The following WIPF3 variants were observed in gnomAD, a reference collection of about 807,000 sequenced individuals.
WIPF3 encodes WAS/WASL-interacting protein family member 3.
Under a neutral mutation model 38.9 loss-of-function variants are expected in WIPF3, and 33 were observed. The ratio of observed to expected loss-of-function variants is 0.85; its 90% CI spans 0.64 to 1.14. The LOEUF is 1.14. WIPF3 is among the 50% of genes most tolerant of loss of function. WIPF3 has a pLI of 0.00. For missense variants in WIPF3, 711 were observed against 652.5 expected (o/e 1.09, Z -0.98); for synonymous variants, 324 against 269.3 (o/e 1.20, Z -1.99).
At position 29,914,587 on chromosome 7, in the gene WIPF3, G is replaced by A. The variant is rs1438679267; in HGVS notation, c.*71G>A. ...ACATGTCAGACCCCACCCACCCCATGCTCAAGCTGTAATTCAGTTGGCATA... is the reference window on the plus strand; with the variant it reads ...ACATGTCAGACCCCACCCACCCCATACTCAAGCTGTAATTCAGTTGGCATA... On this transcript the variant is annotated 3_prime_UTR_variant, in exon 9 of 9. Transcript: ENST00000242140. The A allele has an allele frequency of 2.5e-6, 3 of 1,194,062 alleles. No homozygotes were observed. In the East Asian group the frequency reaches 8.8e-5, roughly 35 times the overall value. 74.0% of individuals were successfully genotyped at this position (1,194,062 alleles called of 1,614,324 possible). A position where few individuals can be genotyped will look rare whatever the true frequency, so the allele number is the denominator to read the frequency against.
In WIPF3 at chr7:29,885,727, G is replaced by A. The variant is rs183035885; in HGVS notation, c.1099+1134G>A. Among the ~76,000 whole-genome samples, 3 of 152,246 alleles carry A rather than the reference G, an allele frequency of 2.0e-5. No individual in the cohort carries two copies. The East Asian group carries it at 5.8e-4, about 29-fold the overall frequency. On this transcript the variant is annotated intron_variant, in intron 5 of 8. Transcript: ENST00000242140. ...GCTACTTGGGAGGCTAAGGCAGGAG[G>A]ATCGTTTGAATCTAGGTGTTCAAGG... is the stretch of plus-strand genomic sequence containing the variant.
At chr7:29,882,238 G>A (rs1445095459) in intron 4 of WIPF3, among the ~76,000 whole-genome samples, 1 of 152,222 alleles carries the variant, frequency 6.6e-6, no homozygotes, top group African/African-American at 2.4e-5. Flanking sequence ...GGCTATTTAA[G>A]GGTAGGCTTT....
chr7:29,873,991 C>T (rs1053244824), intron 2 of WIPF3, among the ~76,000 whole-genome samples: 5 of 152,134 alleles, frequency 3.3e-5, no homozygotes, highest in Non-Finnish European at 5.9e-5. Context: ...ATTTATACTC[C>T]AGGGATCCTC....
intron 2 of WIPF3, among the ~76,000 whole-genome samples, chr7:29,859,661 G>A (rs1414606187): frequency 6.6e-6 from 1 of 152,142 alleles, no homozygotes; most frequent in Admixed American, 6.5e-5. Context: ...TCTTTGGCAG[G>A]CATTGTACTT....
chr7:29,834,219 T>C (rs1482566003), intron 1 of WIPF3, among the ~76,000 whole-genome samples: 2 of 152,172 alleles, frequency 1.3e-5, no homozygotes, highest in African/African-American at 4.8e-5. Context: ...GTTGAGCCTG[T>C]GACATTCAGA....
At chr7:29,859,854 C>G (rs1166091400) in intron 2 of WIPF3, among the ~76,000 whole-genome samples, 1 of 152,164 alleles carries the variant, frequency 6.6e-6, no homozygotes, top group South Asian at 2.1e-4. Flanking sequence ...TAACTTAGGG[C>G]TCCCTGAGAG....
rs1230998950 is a variant in WIPF3 at position 29,823,289 on chromosome 7, T to C, written c.-57-11379T>C. On this transcript the variant is annotated intron_variant, in intron 1 of 8. Transcript: ENST00000242140. This position sits in a 1 kb window ranked among gnomAD's most constrained non-coding sequence, Gnocchi z 4.0. Reference sequence around the variant, plus strand: ...ACATTCATTTTTTTTTTAGATGGAGTGTCACTCTGTCACCCAGGCTGGAGT... The same window carrying C: ...ACATTCATTTTTTTTTTAGATGGAGCGTCACTCTGTCACCCAGGCTGGAGT... 6.6e-6 allele frequency among the ~76,000 whole-genome samples: 1 copy of C among 151,808 alleles called. No individual in the cohort carries two copies. Among genetic ancestry groups the C allele is most frequent in the Non-Finnish European group, 1.5e-5 (1 of 67,970 alleles).
chr7:29,916,712 CA>C lies in WIPF3; in HGVS notation c.*2208del, dbSNP rs556516332. The C allele has an allele frequency of 0.026, 3,452 of 133,452 alleles. 97 individuals carry two copies. Among genetic ancestry groups the C allele is most frequent in the African/African-American group, 0.077 (2,844 of 36,836 alleles). The allele number at this position is 133,452 out of a possible 1,614,324, so 8.3% of individuals were successfully genotyped here. ...TGGGCAACAGAGCGAGACCCTAACT[CA>C]AAAAAAAAAAAGGACAGAGGGGAGG... On this transcript the variant is annotated 3_prime_UTR_variant, in exon 9 of 9. Coordinates refer to ENST00000242140, the MANE Select transcript of WIPF3 (RefSeq NM_001080529.3).
chr7:29,819,894 T>G (rs1241381217), intron 1 of WIPF3, among the ~76,000 whole-genome samples: 2 of 152,066 alleles, frequency 1.3e-5, no homozygotes, highest in Non-Finnish European at 2.9e-5. Flanking sequence ...CATTTTAGAA[T>G]TTGTTGAGAT....
intron 5 of WIPF3, among the ~76,000 whole-genome samples, chr7:29,887,543 A>C (rs890967915): frequency 6.6e-6 from 1 of 152,206 alleles, no homozygotes; most frequent in Non-Finnish European, 1.5e-5. Context: ...TGGACCGGAA[A>C]GAGAAACAAG....
intron 1 of WIPF3, among the ~76,000 whole-genome samples, chr7:29,820,722 T>G (rs1459446898): frequency 6.6e-6 from 1 of 152,188 alleles, no homozygotes; most frequent in Non-Finnish European, 1.5e-5. Context: ...ATAATCACTT[T>G]TTCTTAGTTT....
chr7:29,840,241 A>G (rs1300927485), intron 2 of WIPF3, among the ~76,000 whole-genome samples: 4 of 152,044 alleles, frequency 2.6e-5, no homozygotes, highest in Non-Finnish European at 5.9e-5. Context: ...GGCCCACTCC[A>G]TCCTGCATGG....
chr7:29,874,174 G>T (rs1257334900), intron 2 of WIPF3, among the ~76,000 whole-genome samples: 1 of 151,806 alleles, frequency 6.6e-6, no homozygotes, highest in Non-Finnish European at 1.5e-5. Flanking sequence ...GCATGCGTAT[G>T]CCCTTAAGAG....
Position 29,844,336 on chromosome 7 carries a change from A to C in WIPF3, c.90+9522A>C, listed in dbSNP as rs904838798. Among the ~76,000 whole-genome samples, 2 of 152,254 alleles carry C rather than the reference A, an allele frequency of 1.3e-5. No homozygotes were observed. Among genetic ancestry groups the C allele is most frequent in the African/African-American group, 4.8e-5 (2 of 41,468 alleles). On this transcript the variant is annotated intron_variant, in intron 2 of 8. Transcript: ENST00000242140. This position sits in a 1 kb window ranked among gnomAD's most constrained non-coding sequence, Gnocchi z 4.8. ...TGAATTATCACTTACCCATTGGCTG[A>C]GTTGGATCCTGTAACAATAATGCTT...
intron 2 of WIPF3, among the ~76,000 whole-genome samples, chr7:29,851,523 A>G (rs1383479385): frequency 3.3e-5 from 5 of 152,166 alleles, no homozygotes; most frequent in Non-Finnish European, 5.9e-5. Context: ...CAAAGTAACA[A>G]TATACTTTTG....
At chr7:29,861,823 T>C (rs1328760496) in intron 2 of WIPF3, among the ~76,000 whole-genome samples, 1 of 152,226 alleles carries the variant, frequency 6.6e-6, no homozygotes, top group African/African-American at 2.4e-5. Flanking sequence ...GACAGACTTA[T>C]AAGCTGCAAA....
chr7:29,887,650 C>T (rs1032769039), intron 5 of WIPF3, among the ~76,000 whole-genome samples: 11 of 152,224 alleles, frequency 7.2e-5, no homozygotes, highest in African/African-American at 2.4e-4. Flanking sequence ...GCCTCTTCTA[C>T]AGACAGCCCT....
At chr7:29,839,658 T>A (rs1784884047) in intron 2 of WIPF3, among the ~76,000 whole-genome samples, 1 of 152,236 alleles carries the variant, frequency 6.6e-6, no homozygotes, top group Non-Finnish European at 1.5e-5. Context: ...GCTCACCACC[T>A]GTTTTTTATC....
At chr7:29,842,754 T>TAA (rs757248971) in intron 2 of WIPF3, among the ~76,000 whole-genome samples, 33 of 151,370 alleles carry the variant, frequency 2.2e-4, no homozygotes, top group Non-Finnish European at 5.9e-5. Context: ...TTGCTGTTGT[T>TAA]AAAAAAAAAT....
Sources: allele counts gnomAD v4.1 joint callset (sites outside exome capture counted in the v4.1 genomes callset), GRCh38; gene constraint gnomAD v4.1.1; non-coding constraint Gnocchi (gnomAD v3.1); transcripts MANE v1.5; gene names NCBI Gene and HGNC (gene_info 2026-07-23, HGNC 2026-07-21).